C10orf90: variants seen among roughly 807,000 people sequenced by gnomAD.
C10orf90 encodes chromosome 10 open reading frame 90.
A neutral mutation model predicts 62.5 loss-of-function variants in C10orf90; 56 were observed. The ratio of observed to expected loss-of-function variants is 0.90; its 90% CI spans 0.72 to 1.12. C10orf90 has a LOEUF of 1.12. Among genes scored for constraint, C10orf90 ranks in the 50% most tolerant of loss-of-function variants. The pLI, the probability that C10orf90 is intolerant of heterozygous loss-of-function variation, is 0.00. For synonymous variants in C10orf90, 386 were observed against 340.4 expected (o/e 1.13, Z -1.47); for missense variants, 970 against 880.4 (o/e 1.10, Z -1.29).
intron 7 of C10orf90, among the ~76,000 whole-genome samples, chr10:126,446,207 A>T (rs1858768458): frequency 6.6e-6 from 1 of 152,152 alleles, no homozygotes; most frequent in South Asian, 2.1e-4. Context: ...AGAAAGGGAC[A>T]GAAAGCTTAT....
intron 2 of C10orf90, among the ~76,000 whole-genome samples, chr10:126,598,862 CT>C (rs1845137841): frequency 6.6e-6 from 1 of 152,104 alleles, no homozygotes; most frequent in African/African-American, 2.4e-5. Context: ...GTGCTTTTTT[CT>C]TTCCTTTTTT....
Position 126,453,160 on chromosome 10 carries a change from C to G in C10orf90, c.2188+5880G>C, listed in dbSNP as rs1388738004. On this transcript the variant is annotated intron_variant, in intron 7 of 9. Coordinates refer to ENST00000488181, the MANE Select transcript of C10orf90 (RefSeq NM_001350921.2). This position sits in a 1 kb window ranked among gnomAD's most constrained non-coding sequence, Gnocchi z 4.9. ...CCGTGCCTTCCAGAGAATTCCATTC[C>G]TCTACTCGTGCATGATTTGAATGGC... Among the ~76,000 whole-genome samples, 1 of 152,184 alleles carries G rather than the reference C, an allele frequency of 6.6e-6. No individual in the cohort carries two copies. The highest frequency in any genetic ancestry group is 2.4e-5 in the African/African-American group (1 of 41,454).
intron 4 of C10orf90, among the ~76,000 whole-genome samples, chr10:126,470,382 A>C (rs1463433182): frequency 6.6e-6 from 1 of 152,226 alleles, no homozygotes; most frequent in Non-Finnish European, 1.5e-5. Flanking sequence ...ACCACCTCCA[A>C]TTACAATATG....
Position 126,472,678 on chromosome 10 carries a change from G to GA in C10orf90, c.1535-7693dup, listed in dbSNP as rs201065821. Among the ~76,000 whole-genome samples, 656 of 151,332 alleles carry GA rather than the reference G, an allele frequency of 4.3e-3. 7 individuals carry two copies. The highest frequency in any genetic ancestry group is 0.015 in the African/African-American group (625 of 41,320). ...CAATGCTGCATGTTAAAAATTGGAA[G>GA]AAAAAAAAATCAAGGTAATCTTCCA... is the stretch of plus-strand genomic sequence containing the variant. On this transcript the variant is annotated intron_variant, in intron 4 of 9. Coordinates refer to ENST00000488181, the MANE Select transcript of C10orf90 (RefSeq NM_001350921.2).
chr10:126,548,453 G>A (rs1237155871), intron 2 of C10orf90, among the ~76,000 whole-genome samples: 5 of 152,112 alleles, frequency 3.3e-5, no homozygotes, highest in Non-Finnish European at 5.9e-5. Context: ...TGCAATCTCC[G>A]CCTCCCAGGT....
At chr10:126,571,974 A>T (rs539522032) in intron 2 of C10orf90, among the ~76,000 whole-genome samples, 2 of 152,290 alleles carry the variant, frequency 1.3e-5, no homozygotes, top group East Asian at 3.9e-4. Flanking sequence ...GGAAAACCTC[A>T]AAAGGCCTTC....
At chr10:126,578,610 T>C (rs1591115808) in intron 2 of C10orf90, among the ~76,000 whole-genome samples, 1 of 152,174 alleles carries the variant, frequency 6.6e-6, no homozygotes, top group South Asian at 2.1e-4. Flanking sequence ...CCTGCATATA[T>C]ACACAATAGA....
intron 8 of C10orf90, among the ~76,000 whole-genome samples, chr10:126,426,638 C>T (rs1184796631): frequency 6.6e-6 from 1 of 152,206 alleles, no homozygotes; most frequent in African/African-American, 2.4e-5. Context: ...CCCAGGGGAT[C>T]TTCCTCTGGA....
chr10:126,606,614 C>CT (rs1260442276), intron 2 of C10orf90, among the ~76,000 whole-genome samples: 2 of 152,140 alleles, frequency 1.3e-5, no homozygotes, highest in Non-Finnish European at 2.9e-5. Flanking sequence ...CTCCGAGGAA[C>CT]TTTGAGCAGC....
At chr10:126,440,997 C>A (rs1564793635) in intron 7 of C10orf90, among the ~76,000 whole-genome samples, 1 of 152,170 alleles carries the variant, frequency 6.6e-6, no homozygotes, top group Non-Finnish European at 1.5e-5. Flanking sequence ...CCAAAAATCA[C>A]ACTGGCTTAC....
At chr10:126,462,617 T>C (rs1860060616) in intron 5 of C10orf90, among the ~76,000 whole-genome samples, 3 of 152,142 alleles carry the variant, frequency 2.0e-5, no homozygotes, top group Admixed American at 1.3e-4. Context: ...GGCTGGACCA[T>C]ATCATACCCA....
At chr10:126,642,409 G>A (rs914330092) in intron 2 of C10orf90, among the ~76,000 whole-genome samples, 3 of 152,090 alleles carry the variant, frequency 2.0e-5, no homozygotes, top group African/African-American at 4.8e-5. Context: ...GCGGGCGCCT[G>A]TAGTCCCAGC....
chr10:126,624,011 A>C (rs1845696963), intron 2 of C10orf90, among the ~76,000 whole-genome samples: 1 of 152,144 alleles, frequency 6.6e-6, no homozygotes, highest in South Asian at 2.1e-4. Flanking sequence ...GGTAATGCAA[A>C]GAGATGAGGA....
chr10:126,527,653 T>G (rs1863985829), intron 2 of C10orf90, among the ~76,000 whole-genome samples: 1 of 152,204 alleles, frequency 6.6e-6, no homozygotes, highest in South Asian at 2.1e-4. Context: ...CTTAGACAAG[T>G]CACCTAACTT....
chr10:126,638,611 C>T lies in C10orf90; in HGVS notation c.313+7954G>A, dbSNP rs955180338. On this transcript the variant is annotated intron_variant, in intron 2 of 9. Transcript: ENST00000488181. Reference sequence around the variant, plus strand: ...GGCCTAACATCGAGGTCCAGTATGACCTGTGCCTTGACATCTGGGGAAAAT... The same window carrying T: ...GGCCTAACATCGAGGTCCAGTATGATCTGTGCCTTGACATCTGGGGAAAAT... Among the ~76,000 whole-genome samples the T allele has an allele frequency of 1.1e-4, 17 of 152,278 alleles. 1 individual carries two copies. The East Asian group carries it at 3.3e-3, about 30-fold the overall frequency.
chr10:126,662,986 C>T (rs980640836), intron 1 of C10orf90, among the ~76,000 whole-genome samples: 5 of 152,214 alleles, frequency 3.3e-5, no homozygotes, highest in African/African-American at 9.7e-5. Flanking sequence ...TCTGTGTCCC[C>T]GGCACCTACC....
chr10:126,572,404 C>A (rs1458650849), intron 2 of C10orf90, among the ~76,000 whole-genome samples: 1 of 152,136 alleles, frequency 6.6e-6, no homozygotes, highest in Non-Finnish European at 1.5e-5. Flanking sequence ...AAAAGAATGG[C>A]TACTCCATAG....
intron 2 of C10orf90, among the ~76,000 whole-genome samples, chr10:126,586,916 C>T (rs1194921560): frequency 6.6e-6 from 1 of 152,234 alleles, no homozygotes; most frequent in Non-Finnish European, 1.5e-5. Context: ...ATGGGGCTCT[C>T]AGAGGCCAGG....
At chr10:126,663,045 C>T (rs1846549742) in intron 1 of C10orf90, among the ~76,000 whole-genome samples, 1 of 152,178 alleles carries the variant, frequency 6.6e-6, no homozygotes, top group South Asian at 2.1e-4. Flanking sequence ...GTTACAAGAG[C>T]CAGCCCAGGT....
Sources: gnomAD v4.1 joint callset for allele counts (sites outside exome capture counted in the v4.1 genomes callset) on GRCh38, gnomAD v4.1.1 for gene constraint, Gnocchi (gnomAD v3.1) non-coding constraint, MANE v1.5 for transcripts, NCBI Gene and HGNC (gene_info 2026-07-23, HGNC 2026-07-21) for gene names.